The following CTIF variants were observed in gnomAD, a reference collection of about 807,000 sequenced individuals.
CTIF encodes cap binding complex dependent translation initiation factor.
Under a neutral mutation model 66.0 loss-of-function variants are expected in CTIF, and 21 were observed. The observed-to-expected ratio is 0.32, with a 90% CI of 0.23 to 0.46. The LOEUF (loss-of-function observed/expected upper bound fraction) is 0.46, where lower values mean the gene tolerates loss of function less well. Among genes scored for constraint, CTIF ranks in the 20% least tolerant of loss-of-function variants. The pLI is 1.00. For missense variants in CTIF, 739 were observed against 812.7 expected, an observed-to-expected ratio of 0.91 and a Z score of 1.10; for synonymous variants, 345 against 326.4, an observed-to-expected ratio of 1.06 and a Z score of -0.62.
chr18:48,715,627 C>T (rs759616784), intron 7 of CTIF, among the ~76,000 whole-genome samples: 5 of 152,154 alleles, frequency 3.3e-5, no homozygotes, highest in African/African-American at 7.2e-5. Flanking sequence ...GGTCCCTCAC[C>T]GCTGGGGAGG....
intron 5 of CTIF, among the ~76,000 whole-genome samples, chr18:48,668,878 G>A (rs1418972769): frequency 2.0e-5 from 3 of 152,100 alleles, no homozygotes; most frequent in Non-Finnish European, 4.4e-5. Flanking sequence ...GACACCGAGA[G>A]GGGCAGTTGT....
chr18:48,793,160 C>G (rs2067830739), intron 9 of CTIF, among the ~76,000 whole-genome samples: 2 of 152,128 alleles, frequency 1.3e-5, no homozygotes, highest in South Asian at 4.1e-4. Context: ...AGCCTCTGCC[C>G]CCTCCCTGGG....
intron 9 of CTIF, among the ~76,000 whole-genome samples, chr18:48,810,237 T>A (rs2068232025): frequency 6.6e-6 from 1 of 152,138 alleles, no homozygotes. Flanking sequence ...AAGGGCTCAA[T>A]ATATTGTCAC....
intron 10 of CTIF, among the ~76,000 whole-genome samples, chr18:48,846,689 A>C (rs1157863547): frequency 6.6e-6 from 1 of 150,622 alleles, no homozygotes; most frequent in Non-Finnish European, 1.5e-5. Context: ...ATAGGTGAGT[A>C]GATAGATGGA....
chr18:48,572,249 C>A (rs1182967351), intron 1 of CTIF, among the ~76,000 whole-genome samples: 1 of 152,136 alleles, frequency 6.6e-6, no homozygotes, highest in Admixed American at 6.5e-5. Context: ...TCCTCAAAAT[C>A]AATTTATTAT....
At position 48,558,841 on chromosome 18, in the gene CTIF, A is replaced by T. The variant is rs543293412; in HGVS notation, c.-29+19529A>T. 1.6e-4 allele frequency among the ~76,000 whole-genome samples: 25 copies of T among 152,346 alleles called. No homozygotes were observed. In the South Asian group the frequency reaches 5.2e-3, roughly 32 times the overall value. On this transcript the variant is annotated intron_variant, in intron 1 of 11. Coordinates refer to ENST00000256413, the MANE Select transcript of CTIF (RefSeq NM_014772.3). ...GCTGCAATAAAAAGTGTTCTCTTTG[A>T]CATCCATTCTCCAACCAATAATAAA...
chr18:48,798,914 C>T (rs2067989655), intron 9 of CTIF, among the ~76,000 whole-genome samples: 1 of 152,162 alleles, frequency 6.6e-6, no homozygotes, highest in Non-Finnish European at 1.5e-5. Context: ...ACAGCACCCC[C>T]CAAGAACCAA....
At chr18:48,673,020 T>A (rs150731988) in intron 6 of CTIF, among the ~76,000 whole-genome samples, 1 of 152,276 alleles carries the variant, frequency 6.6e-6, no homozygotes, top group East Asian at 1.9e-4. Context: ...CTGTCCTTTT[T>A]CTGGCTCAGG....
intron 1 of CTIF, among the ~76,000 whole-genome samples, chr18:48,555,435 C>G (rs534846074): frequency 8.1e-4 from 124 of 152,286 alleles, no homozygotes; most frequent in Middle Eastern, 6.8e-3. Context: ...ATTATTGAGG[C>G]CTGACCCACT....
intron 10 of CTIF, among the ~76,000 whole-genome samples, chr18:48,831,072 C>T (rs1277752126): frequency 6.6e-6 from 1 of 152,168 alleles, no homozygotes; most frequent in Admixed American, 6.5e-5. Flanking sequence ...AATCCAGAAC[C>T]CTTGAAGGGG....
intron 9 of CTIF, among the ~76,000 whole-genome samples, chr18:48,795,648 A>C (rs1215319758): frequency 6.6e-6 from 1 of 152,182 alleles, no homozygotes; most frequent in Admixed American, 6.5e-5. Flanking sequence ...TTTAACCTGG[A>C]AAATAGAACT....
intron 7 of CTIF, among the ~76,000 whole-genome samples, chr18:48,718,000 C>G (rs2092298266): frequency 6.6e-6 from 1 of 152,208 alleles, no homozygotes; most frequent in Non-Finnish European, 1.5e-5. Context: ...CGTCAACCTT[C>G]CAAGTAGCTG....
intron 7 of CTIF, among the ~76,000 whole-genome samples, chr18:48,730,835 G>T (rs1255223017): frequency 6.6e-6 from 1 of 150,578 alleles, no homozygotes; most frequent in East Asian, 1.9e-4. Context: ...GGCTTCCGTG[G>T]TGTGAGGGAC....
intron 8 of CTIF, among the ~76,000 whole-genome samples, chr18:48,759,509 T>A (rs1239523131): frequency 6.6e-6 from 1 of 152,120 alleles, no homozygotes; most frequent in African/African-American, 2.4e-5. Flanking sequence ...CTGCTAAATG[T>A]AACTGCAGGG....
intron 1 of CTIF, among the ~76,000 whole-genome samples, chr18:48,574,657 C>T (rs1242878623): frequency 6.6e-6 from 1 of 152,164 alleles, no homozygotes; most frequent in Admixed American, 6.5e-5. Flanking sequence ...TGGCTTCCCT[C>T]AGAACAGAAA....
At position 48,859,443 on chromosome 18, in the gene CTIF, A is replaced by G. The variant is rs2069408066; in HGVS notation, c.1681A>G (p.Met561Val). 1.2e-6 allele frequency: 2 copies of G among 1,614,056 alleles called. No individual in the cohort carries two copies. The highest frequency in any genetic ancestry group is 1.7e-5 in the Admixed American group (1 of 60,016). Residue 561 changes from methionine (M) to valine (V), a missense_variant, in exon 12 of 12, where the codon ATG becomes GTG. Met to Val is a conservative substitution (Grantham distance 21). Coordinates refer to ENST00000256413, the MANE Select transcript of CTIF (RefSeq NM_014772.3). ...RDKMLCPSES[M>V]LTRSLLLEVI... The stretch of plus-strand genomic sequence containing the variant: ...CAAGATGCTGTGCCCCTCGGAGTCC[A>G]TGCTGACCCGGTCGCTGCTCCTAGA...
At chr18:48,859,227 G>A in intron 11 of CTIF, 117 bp from the exon 12 acceptor site, 1 of 834,766 alleles carries the variant, frequency 1.2e-6, no homozygotes, top group South Asian at 1.5e-5. Flanking sequence ...ACAGGGGTCT[G>A]GGCCTGTGTG....
At chr18:48,820,681 G>A (rs543619104) in intron 10 of CTIF, among the ~76,000 whole-genome samples, 2 of 152,090 alleles carry the variant, frequency 1.3e-5, no homozygotes, top group South Asian at 2.1e-4. Flanking sequence ...CAGAACCCAC[G>A]CCACGGCCTT....
At chr18:48,540,028 G>A (rs1054365152) in intron 1 of CTIF, 1 of 152,172 alleles carries the variant, frequency 6.6e-6, no homozygotes, top group Non-Finnish European at 1.5e-5. Context: ...CTGTCGTCTA[G>A]ACAGGGCGCA....
Sources: allele counts gnomAD v4.1 joint callset (sites outside exome capture counted in the v4.1 genomes callset), GRCh38; gene constraint gnomAD v4.1.1; transcripts MANE v1.5; gene names NCBI Gene and HGNC (gene_info 2026-07-23, HGNC 2026-07-21).